The following SLC16A12 variants were observed in gnomAD, a reference collection of about 807,000 sequenced individuals.
SLC16A12 encodes the protein solute carrier family 16 member 12.
Under a neutral mutation model 42.4 loss-of-function variants are expected in SLC16A12, and 17 were observed. That is an observed-to-expected ratio of 0.40 (90% CI 0.27 to 0.60). The LOEUF is 0.60. SLC16A12 is among the 20% of genes least tolerant of loss of function. The pLI is 0.42. For synonymous variants in SLC16A12, 224 were observed against 229.4 expected (o/e 0.98, Z 0.21); for missense variants, 544 against 623.0 (o/e 0.87, Z 1.35).
intron 5 of SLC16A12, 54 bp from the exon 6 acceptor site, chr10:89,439,237 A>T: frequency 6.6e-7 from 1 of 1,508,478 alleles, no homozygotes; most frequent in Non-Finnish European, 9.2e-7. Flanking sequence ...AGCCAATGAT[A>T]TCTCAGAATA....
At chr10:89,481,287 T>C (rs1156826229) in intron 2 of SLC16A12, among the ~76,000 whole-genome samples, 2 of 152,200 alleles carry the variant, frequency 1.3e-5, no homozygotes, top group Non-Finnish European at 2.9e-5. Flanking sequence ...ATACTCATGC[T>C]CTTTTTATAC....
chr10:89,516,441 C>A (rs1281429560), intron 2 of SLC16A12, among the ~76,000 whole-genome samples: 1 of 152,178 alleles, frequency 6.6e-6, no homozygotes, highest in East Asian at 1.9e-4. Context: ...GATGAGATTT[C>A]TTTTAGGAAT....
chr10:89,533,168 G>GTTT (rs578088067), intron 2 of SLC16A12, among the ~76,000 whole-genome samples: 24 of 145,682 alleles, frequency 1.6e-4, no homozygotes, highest in South Asian at 6.6e-4. Context: ...GTCGTTTTTA[G>GTTT]TTTTTTTTTT....
intron 2 of SLC16A12, among the ~76,000 whole-genome samples, chr10:89,552,943 G>A (rs964569713): frequency 6.6e-6 from 1 of 152,066 alleles, no homozygotes; most frequent in Non-Finnish European, 1.5e-5. Flanking sequence ...AAATGCATTG[G>A]ACTCAGAATT....
chr10:89,514,542 C>T (rs1020095629), intron 2 of SLC16A12, among the ~76,000 whole-genome samples: 2 of 152,294 alleles, frequency 1.3e-5, no homozygotes, highest in South Asian at 4.1e-4. Context: ...TTACATGGCC[C>T]TTCTCAGAGC....
intron 2 of SLC16A12, among the ~76,000 whole-genome samples, chr10:89,484,115 A>C (rs181779857): frequency 9.2e-5 from 14 of 152,200 alleles, no homozygotes; most frequent in Non-Finnish European, 1.9e-4. Flanking sequence ...ATAGCAAGAC[A>C]CTGTCTCAAA....
chr10:89,505,864 T>C (rs1055968893), intron 2 of SLC16A12, among the ~76,000 whole-genome samples: 3 of 152,108 alleles, frequency 2.0e-5, no homozygotes, highest in Admixed American at 6.5e-5. Flanking sequence ...CGCAGCAGTC[T>C]GAGATCGACT....
chr10:89,445,313 G>T (rs1474749939), intron 3 of SLC16A12, among the ~76,000 whole-genome samples: 1 of 152,214 alleles, frequency 6.6e-6, no homozygotes, highest in Admixed American at 6.5e-5. Flanking sequence ...GCCTAACTGG[G>T]AGACACCTCC....
chr10:89,552,253 G>A (rs1843775376), intron 2 of SLC16A12, among the ~76,000 whole-genome samples: 1 of 152,156 alleles, frequency 6.6e-6, no homozygotes, highest in Admixed American at 6.6e-5. Context: ...ATGTATTAAT[G>A]TTGATTTGTA....
chr10:89,433,567 T>C (rs1280540605), intron 7 of SLC16A12, among the ~76,000 whole-genome samples: 1 of 152,226 alleles, frequency 6.6e-6, no homozygotes, highest in Admixed American at 6.5e-5. Flanking sequence ...AAGCATCATG[T>C]ACTTAGTAGT....
intron 2 of SLC16A12, among the ~76,000 whole-genome samples, chr10:89,514,866 G>T (rs1437037375): frequency 6.6e-6 from 1 of 152,142 alleles, no homozygotes; most frequent in Non-Finnish European, 1.5e-5. Flanking sequence ...CAAGGCAGGG[G>T]GATCACCTGA....
intron 2 of SLC16A12, among the ~76,000 whole-genome samples, chr10:89,469,287 T>C (rs1047389271): frequency 3.9e-5 from 6 of 152,270 alleles, no homozygotes; most frequent in Non-Finnish European, 5.9e-5. Flanking sequence ...CATGATGATG[T>C]TCTTCTAAGA....
At chr10:89,486,087 T>C (rs1842737394) in intron 2 of SLC16A12, among the ~76,000 whole-genome samples, 3 of 152,178 alleles carry the variant, frequency 2.0e-5, no homozygotes, top group Admixed American at 2.0e-4. Context: ...CAGAAATCCC[T>C]GGCATTTATG....
intron 2 of SLC16A12, among the ~76,000 whole-genome samples, chr10:89,465,604 C>T (rs1380398109): frequency 6.6e-6 from 1 of 152,170 alleles, no homozygotes; most frequent in Non-Finnish European, 1.5e-5. Flanking sequence ...AGATGAAACA[C>T]TCAAGGAAAA....
intron 2 of SLC16A12, among the ~76,000 whole-genome samples, chr10:89,511,707 T>G (rs540956241): frequency 1.3e-5 from 2 of 152,112 alleles, no homozygotes; most frequent in African/African-American, 4.8e-5. Context: ...GATGTGCACA[T>G]GTACCCCGAA....
intron 2 of SLC16A12, among the ~76,000 whole-genome samples, chr10:89,492,763 A>T (rs1842865606): frequency 6.6e-6 from 1 of 151,338 alleles, no homozygotes; most frequent in Admixed American, 6.6e-5. Flanking sequence ...TCTTTCTAAG[A>T]CTCAGACCAA....
rs1447061658 is a variant in SLC16A12 at position 89,432,293 on chromosome 10, T to C, written c.*771A>G. 3 of 152,202 alleles carry C rather than the reference T, an allele frequency of 2.0e-5. No homozygotes were observed. The highest frequency in any genetic ancestry group is 7.2e-5 in the African/African-American group (3 of 41,434). The allele number at this position is 152,202 out of a possible 1,614,324, so 9.4% of individuals were successfully genotyped here. On this transcript the variant is annotated 3_prime_UTR_variant, in exon 8 of 8. Transcript: ENST00000371790. ...AAGTATTATATGTGATGGTAACAAATGTGAGAGCCTGGAACCCAGTCTTAG... is the reference window on the plus strand; with the variant it reads ...AAGTATTATATGTGATGGTAACAAACGTGAGAGCCTGGAACCCAGTCTTAG...
At chr10:89,477,424 C>T (rs926725874) in intron 2 of SLC16A12, among the ~76,000 whole-genome samples, 2 of 151,870 alleles carry the variant, frequency 1.3e-5, no homozygotes, top group African/African-American at 4.8e-5. Context: ...ATTAGCTGGG[C>T]GTGGTGGTGC....
rs1841708512 is a variant in SLC16A12 at position 89,432,458 on chromosome 10, C to A, written c.*606G>T. The A allele has an allele frequency of 6.7e-6, 1 of 148,436 alleles. No individual in the cohort carries two copies. Among genetic ancestry groups the A allele is most frequent in the African/African-American group, 2.5e-5 (1 of 39,716 alleles). The allele number at this position is 148,436 out of a possible 1,614,324, so 9.2% of individuals were successfully genotyped here. A position where few individuals can be genotyped will look rare whatever the true frequency, so the allele number is the denominator to read the frequency against. On this transcript the variant is annotated 3_prime_UTR_variant, in exon 8 of 8. Coordinates refer to ENST00000371790, the MANE Select transcript of SLC16A12 (RefSeq NM_213606.4). ...ACCCTTGGGCAGAGGCAAGGGCTGG[C>A]TGGAAGACTAAGAGAAAAAAAAAAT...
Sources: gnomAD v4.1 joint callset for allele counts (sites outside exome capture counted in the v4.1 genomes callset) on GRCh38, gnomAD v4.1.1 for gene constraint, MANE v1.5 for transcripts, NCBI Gene and HGNC (gene_info 2026-07-23, HGNC 2026-07-21) for gene names.